Variants in GPR107 observed in about 807,000 individuals in gnomAD.
GPR107 encodes protein GPR107.
In GPR107, 31 loss-of-function variants were observed where a neutral mutation model predicts 75.5. That is an observed-to-expected ratio of 0.41 (90% CI 0.31 to 0.55). The LOEUF (loss-of-function observed/expected upper bound fraction) is 0.55, where lower values mean the gene tolerates loss of function less well. Ranked by LOEUF, GPR107 falls within the 20% of genes least tolerant of loss-of-function variation. GPR107 has a pLI of 0.26. For synonymous variants in GPR107, 267 were observed against 251.3 expected (o/e 1.06, Z -0.59); for missense variants, 572 against 665.7 (o/e 0.86, Z 1.55).
At chr9:130,068,066 C>CT (rs10712492) in intron 1 of GPR107, among the ~76,000 whole-genome samples, 587 of 140,770 alleles carry the variant, frequency 4.2e-3, no homozygotes, top group East Asian at 0.022. Context: ...TTCTTGTTTT[C>CT]TTTTTTTTTT....
In GPR107 at chr9:130,057,917, G is replaced by A. The variant is rs1048681179; in HGVS notation, c.141+3844G>A. 1.6e-3 allele frequency among the ~76,000 whole-genome samples: 246 copies of A among 151,026 alleles called. 1 individual carries two copies. Among genetic ancestry groups the A allele is most frequent in the African/African-American group, 5.8e-3 (240 of 41,178 alleles). The stretch of plus-strand genomic sequence containing the variant: ...GCGATCTCAGCTTACAGCAACCTCC[G>A]CCTCCCGGTTCAAGCGATCTCCTGC... On this transcript the variant is annotated intron_variant, in intron 1 of 17. Coordinates refer to ENST00000347136, the MANE Select transcript of GPR107 (RefSeq NM_020960.5).
chr9:130,110,069 GCGTCCTCCCCGGCCCCTGCTT>G (rs1486232209), intron 14 of GPR107, among the ~76,000 whole-genome samples: 6 of 151,962 alleles, frequency 3.9e-5, no homozygotes, highest in African/African-American at 1.5e-4. Flanking sequence ...TCCCTTCTTT[GCGTCCTCCCCGGCCCCTGCTT>G]CGTCCTCCTG....
chr9:130,099,432 A>G (rs1416881357), intron 9 of GPR107, 25 bp from the exon 10 acceptor site: 1 of 1,359,646 alleles, frequency 7.4e-7, no homozygotes, highest in Non-Finnish European at 1.1e-6. Flanking sequence ...ATCTTCCTTT[A>G]ATTGTTTTCT....
intron 5 of GPR107, among the ~76,000 whole-genome samples, chr9:130,080,475 A>G (rs188580688): frequency 4.7e-5 from 7 of 148,084 alleles, no homozygotes; most frequent in Admixed American, 1.3e-4. Context: ...ATTCCTGTTT[A>G]TTTATTTATT....
At chr9:130,078,110 A>G (rs1217010430) in intron 4 of GPR107, among the ~76,000 whole-genome samples, 6 of 151,548 alleles carry the variant, frequency 4.0e-5, no homozygotes, top group Admixed American at 1.3e-4. Context: ...GCTTGCGGTG[A>G]GCCGAGATCG....
At chr9:130,075,514 G>T in intron 1 of GPR107, 122 bp from the exon 2 acceptor site, 1 of 577,838 alleles carries the variant, frequency 1.7e-6, no homozygotes, top group Non-Finnish European at 3.2e-6. Flanking sequence ...CCAAAGTGGT[G>T]GGATTACAGG....
intron 13 of GPR107, among the ~76,000 whole-genome samples, chr9:130,105,973 T>C (rs1432652913): frequency 1.3e-5 from 2 of 152,146 alleles, no homozygotes; most frequent in African/African-American, 4.8e-5. Flanking sequence ...TATGAATGAC[T>C]CTTCCTCCTC....
At position 130,103,531 on chromosome 9, in the gene GPR107, T is replaced by C. The variant is rs1454411350; in HGVS notation, c.1132-889T>C. Among the ~76,000 whole-genome samples, 6 of 138,444 alleles carry C rather than the reference T, an allele frequency of 4.3e-5. No homozygotes were observed. The highest frequency in any genetic ancestry group is 6.6e-5 in the Non-Finnish European group (4 of 60,266). 90.8% of individuals were successfully genotyped at this position (138,444 alleles called of 152,430 possible). On this transcript the variant is annotated intron_variant, in intron 12 of 17. Coordinates refer to ENST00000347136, the MANE Select transcript of GPR107 (RefSeq NM_020960.5). This position sits in a 1 kb window ranked among gnomAD's most constrained non-coding sequence, Gnocchi z 4.3. ...TGGAAAGACTTTTTATAAAGACTTA[T>C]GCTAAGAGCCTAATAACGGGCCTGA...
chr9:130,088,178 T>C (rs1830657628), intron 7 of GPR107, among the ~76,000 whole-genome samples: 3 of 152,174 alleles, frequency 2.0e-5, no homozygotes, highest in Admixed American at 1.3e-4. Flanking sequence ...GCAAGGCCCA[T>C]GTGGTCTAGC....
At chr9:130,072,921 T>C (rs1830247510) in intron 1 of GPR107, among the ~76,000 whole-genome samples, 1 of 152,212 alleles carries the variant, frequency 6.6e-6, no homozygotes, top group African/African-American at 2.4e-5. Context: ...GTAATATACA[T>C]GGCTAAAAAT....
intron 7 of GPR107, among the ~76,000 whole-genome samples, chr9:130,088,431 C>T (rs563409133): frequency 7.9e-5 from 12 of 152,242 alleles, no homozygotes; most frequent in Admixed American, 3.3e-4. Context: ...AGTATTATCA[C>T]TTCCAACATG....
chr9:130,114,631 C>A, intron 14 of GPR107: 1 of 699,416 alleles, frequency 1.4e-6, no homozygotes, highest in Non-Finnish European at 2.1e-6. Flanking sequence ...AGCTGTCCTC[C>A]TGCCTCAGTC....
At chr9:130,124,806 C>T (rs946021280) in intron 14 of GPR107, 109 bp from the exon 15 acceptor site, 8 of 666,860 alleles carry the variant, frequency 1.2e-5, no homozygotes, top group Non-Finnish European at 2.1e-5. Context: ...TCTGAGTGGT[C>T]CTCATCTGCA....
intron 1 of GPR107, among the ~76,000 whole-genome samples, chr9:130,072,723 G>T (rs75788860): frequency 5.3e-5 from 8 of 152,074 alleles, no homozygotes; most frequent in South Asian, 2.1e-4. Context: ...TTTATGTTGG[G>T]GGGGGAACTG....
At chr9:130,126,342 CTTTTT>C (rs1209736605) in intron 15 of GPR107, among the ~76,000 whole-genome samples, 1 of 121,860 alleles carries the variant, frequency 8.2e-6, no homozygotes. Flanking sequence ...GTTTCCAAGT[CTTTTT>C]TTTTTTTTTT....
At position 130,127,703 on chromosome 9, in the gene GPR107, AT is replaced by A. The variant is rs200211167; in HGVS notation, c.1440+147del. 3.4e-3 allele frequency: 1,824 copies of A among 533,262 alleles called. 4 individuals are homozygous for A. Among genetic ancestry groups the A allele is most frequent in the African/African-American group, 0.012 (594 of 51,284 alleles). The allele number at this position is 533,262 out of a possible 1,614,324, so 33.0% of individuals were successfully genotyped here. A position where few individuals can be genotyped will look rare whatever the true frequency, so the allele number is the denominator to read the frequency against. Reference sequence around the variant, plus strand: ...CATCTCTTCTTTTTTTTAACTAAAAATTTTTTTTTTAGTTTTTGAGACAGGG... The same window carrying A: ...CATCTCTTCTTTTTTTTAACTAAAAATTTTTTTTTAGTTTTTGAGACAGGG... On this transcript the variant is annotated intron_variant, in intron 16 of 17. Coordinates refer to ENST00000347136, the MANE Select transcript of GPR107 (RefSeq NM_020960.5).
rs564807088 is a variant in GPR107 at position 130,103,156 on chromosome 9, G to A, written c.1132-1264G>A. 6.6e-6 allele frequency among the ~76,000 whole-genome samples: 1 copy of A among 152,280 alleles called. No homozygotes were observed. Among genetic ancestry groups the A allele is most frequent in the South Asian group, 2.1e-4 (1 of 4,828 alleles). On this transcript the variant is annotated intron_variant, in intron 12 of 17. Transcript: ENST00000347136. This position sits in a 1 kb window ranked among gnomAD's most constrained non-coding sequence, Gnocchi z 4.3. ...TTGGATAGACAGGGCTTCACGAGCA[G>A]TGTGGGACAGGGAAGGACCCAGAAG...
intron 6 of GPR107, among the ~76,000 whole-genome samples, chr9:130,085,077 T>C (rs182013187): frequency 6.6e-6 from 1 of 152,210 alleles, no homozygotes; most frequent in East Asian, 1.9e-4. Context: ...ATAGAGGAAT[T>C]GATGAGCAGG....
At chr9:130,075,943 G>A (rs924212016) in intron 2 of GPR107, among the ~76,000 whole-genome samples, 194 bp downstream of exon 2, 9 of 152,018 alleles carry the variant, frequency 5.9e-5, no homozygotes, top group East Asian at 1.9e-4. Context: ...CACCATGACC[G>A]TCTAATTTTT....
Sources: allele counts gnomAD v4.1 joint callset (sites outside exome capture counted in the v4.1 genomes callset), GRCh38; gene constraint gnomAD v4.1.1; non-coding constraint Gnocchi (gnomAD v3.1); transcripts MANE v1.5; gene names NCBI Gene and HGNC (gene_info 2026-07-23, HGNC 2026-07-21).